Variants in RASGEF1C observed in about 807,000 individuals in gnomAD.
The protein encoded by RASGEF1C is ras-GEF domain-containing family member 1C.
Under a neutral mutation model 58.1 loss-of-function variants are expected in RASGEF1C, and 27 were observed. The observed-to-expected ratio is 0.46, with a 90% confidence interval of 0.34 to 0.64. RASGEF1C has a LOEUF of 0.64. Among genes scored for constraint, RASGEF1C ranks in the 30% least tolerant of loss-of-function variants. The pLI is 0.01. For missense variants in RASGEF1C, 502 were observed against 605.1 expected, an observed-to-expected ratio of 0.83 and a Z score of 1.79; for synonymous variants, 243 against 246.3, an observed-to-expected ratio of 0.99 and a Z score of 0.13.
chr5:180,170,992 GC>G (rs1194791785), intron 1 of RASGEF1C, among the ~76,000 whole-genome samples: 1 of 152,198 alleles, frequency 6.6e-6, no homozygotes, highest in Admixed American at 6.5e-5. Flanking sequence ...CAAACTGGAG[GC>G]CCTGAATCCC....
At chr5:180,113,783 G>A (rs1348783247) in intron 11 of RASGEF1C, among the ~76,000 whole-genome samples, 6 of 150,588 alleles carry the variant, frequency 4.0e-5, no homozygotes, top group African/African-American at 1.2e-4. Flanking sequence ...GGAGGGATTG[G>A]GGATGGATGG....
intron 1 of RASGEF1C, among the ~76,000 whole-genome samples, chr5:180,188,398 C>T (rs1013046596): frequency 2.6e-5 from 4 of 152,114 alleles, no homozygotes; most frequent in African/African-American, 9.7e-5. Flanking sequence ...TAGAACTAGA[C>T]AGAGGTGGCA....
At chr5:180,142,921 A>G (rs931900634) in intron 1 of RASGEF1C, among the ~76,000 whole-genome samples, 3 of 152,062 alleles carry the variant, frequency 2.0e-5, no homozygotes, top group African/African-American at 7.2e-5. Context: ...AAGGGCACTG[A>G]CAGGACACTG....
At chr5:180,150,513 C>T (rs1283542969) in intron 1 of RASGEF1C, among the ~76,000 whole-genome samples, 2 of 127,850 alleles carry the variant, frequency 1.6e-5, no homozygotes, top group African/African-American at 2.8e-5. Context: ...ATCAGATTCT[C>T]CTCCTTCCCC....
intron 1 of RASGEF1C, among the ~76,000 whole-genome samples, chr5:180,196,540 T>C (rs1211037148): frequency 6.6e-6 from 1 of 152,014 alleles, no homozygotes. Context: ...AATAGTATTG[T>C]TCAGGTTTTG....
intron 5 of RASGEF1C, 96 bp downstream of exon 5, chr5:180,128,314 G>A: frequency 8.5e-7 from 1 of 1,181,780 alleles, no homozygotes; most frequent in South Asian, 1.2e-5. Context: ...TCCTTCACAA[G>A]CTTGTGGGGC....
intron 12 of RASGEF1C, among the ~76,000 whole-genome samples, chr5:180,104,037 C>T (rs1281481255): frequency 5.3e-5 from 8 of 152,034 alleles, no homozygotes; most frequent in South Asian, 2.1e-4. Context: ...TTAGTCATGA[C>T]GTATAATTAT....
At chr5:180,173,795 C>T (rs978005684) in intron 1 of RASGEF1C, among the ~76,000 whole-genome samples, 1 of 151,942 alleles carries the variant, frequency 6.6e-6, no homozygotes, top group Non-Finnish European at 1.5e-5. Context: ...CGCCTGTAAT[C>T]CCAGCTGCTA....
Position 180,119,377 on chromosome 5 carries a change from G to A in RASGEF1C, c.876C>T (p.Ile292=), listed in dbSNP as rs367956374. 2.2e-4 allele frequency: 352 copies of A among 1,614,150 alleles called. No homozygotes were observed. Among genetic ancestry groups the A allele is most frequent in the Non-Finnish European group, 2.0e-4 (241 of 1,179,972 alleles). ...FIDVARECFN[I]GNFNSLMAII... ...TGGCCATGAGGGAGTTGAAGTTGCC[G>A]ATGTTGAAGCACTCGCGGGCCACGT... Residue 292 remains isoleucine, a synonymous_variant, in exon 8 of 14, where the codon ATC becomes ATT. Coordinates refer to ENST00000361132, the MANE Select transcript of RASGEF1C (RefSeq NM_175062.4).
intron 4 of RASGEF1C, among the ~76,000 whole-genome samples, chr5:180,135,640 C>T (rs1179327341): frequency 6.6e-6 from 1 of 152,196 alleles, no homozygotes; most frequent in Non-Finnish European, 1.5e-5. Context: ...GGAAGTGAGG[C>T]TTGGAGACCC....
At position 180,172,878 on chromosome 5, in the gene RASGEF1C, C is replaced by G. The variant is rs569951526; in HGVS notation, c.-6-34820G>C. Among the ~76,000 whole-genome samples, 324 of 152,314 alleles carry G rather than the reference C, an allele frequency of 2.1e-3. 3 individuals carry two copies. The highest frequency in any genetic ancestry group is 7.6e-3 in the African/African-American group (316 of 41,574). On this transcript the variant is annotated intron_variant, in intron 1 of 13. Coordinates refer to ENST00000361132, the MANE Select transcript of RASGEF1C (RefSeq NM_175062.4). ...CTCCCTGTGCCTCTCCCTGTGCTCC[C>G]GCCTCCATGCCTTTGCCCATGCTCT...
intron 1 of RASGEF1C, among the ~76,000 whole-genome samples, chr5:180,157,002 T>C (rs1482715760): frequency 2.6e-5 from 4 of 152,142 alleles, no homozygotes; most frequent in African/African-American, 9.7e-5. Flanking sequence ...AAAATCCAGA[T>C]CACTGTCACC....
chr5:180,120,177 GGT>G (rs1002181987), intron 7 of RASGEF1C, among the ~76,000 whole-genome samples: 3 of 152,242 alleles, frequency 2.0e-5, no homozygotes, highest in African/African-American at 7.2e-5. Flanking sequence ...CAAGAAGTGG[GGT>G]GTTGTGCTCT....
At chr5:180,196,449 C>T (rs532539726) in intron 1 of RASGEF1C, among the ~76,000 whole-genome samples, 1 of 149,278 alleles carries the variant, frequency 6.7e-6, no homozygotes, top group East Asian at 2.0e-4. Flanking sequence ...TGCAGTGAGC[C>T]GAGATCACAC....
At chr5:180,117,744 A>G (rs1197811434) in intron 10 of RASGEF1C, among the ~76,000 whole-genome samples, 3 of 152,192 alleles carry the variant, frequency 2.0e-5, no homozygotes, top group Non-Finnish European at 4.4e-5. Flanking sequence ...ATGTAATCCC[A>G]GCACTTTGGG....
rs79609982 is a variant in RASGEF1C, at chr5:180,126,639, C to A, written c.714+970G>T. 3.9e-5 allele frequency among the ~76,000 whole-genome samples: 6 copies of A among 152,300 alleles called. No homozygotes were observed. In the East Asian group the frequency reaches 9.6e-4, roughly 24 times the overall value. On this transcript the variant is annotated intron_variant, in intron 6 of 13. Coordinates refer to ENST00000361132, the MANE Select transcript of RASGEF1C (RefSeq NM_175062.4). ...TAGGTCTTGGAGGTTGTTCTGTCCA[C>A]CTTATTCCCTTTCACAGCTGCACAC...
intron 4 of RASGEF1C, among the ~76,000 whole-genome samples, chr5:180,132,028 T>G (rs1326372272): frequency 6.6e-6 from 1 of 152,170 alleles, no homozygotes; most frequent in East Asian, 1.9e-4. Flanking sequence ...TTCTCCACAC[T>G]CGTGGATAGG....
At chr5:180,174,032 G>A (rs992429024) in intron 1 of RASGEF1C, among the ~76,000 whole-genome samples, 5 of 151,932 alleles carry the variant, frequency 3.3e-5, no homozygotes, top group African/African-American at 1.2e-4. Flanking sequence ...TTGGGGAAGT[G>A]TGGTCCTCCT....
chr5:180,160,196 G>A (rs1023358744), intron 1 of RASGEF1C, among the ~76,000 whole-genome samples: 2 of 152,142 alleles, frequency 1.3e-5, no homozygotes, highest in African/African-American at 2.4e-5. Context: ...TCAGTAGAGC[G>A]CCCCTCCCAA....
Sources: allele counts gnomAD v4.1 joint callset (sites outside exome capture counted in the v4.1 genomes callset), GRCh38; gene constraint gnomAD v4.1.1; transcripts MANE v1.5; gene names NCBI Gene and HGNC (gene_info 2026-07-23, HGNC 2026-07-21).